The following RBFOX3 variants were observed in gnomAD, a reference collection of about 807,000 sequenced individuals.
RBFOX3 encodes RNA binding fox-1 homolog 3, also known as RNA binding protein fox-1 homolog 3.
A neutral mutation model predicts 48.7 loss-of-function variants in RBFOX3; 17 were observed. That is an observed-to-expected ratio of 0.35 (90% CI 0.24 to 0.52). The LOEUF is 0.52. RBFOX3 is among the 20% of genes least tolerant of loss of function. The pLI is 0.94. For missense variants in RBFOX3, 382 were observed against 497.5 expected (o/e 0.77, Z 2.21); for synonymous variants, 212 against 209.5 (o/e 1.01, Z -0.10).
At chr17:79,496,553 G>C (rs2081567362) in intron 1 of RBFOX3, among the ~76,000 whole-genome samples, 1 of 152,172 alleles carries the variant, frequency 6.6e-6, no homozygotes, top group Non-Finnish European at 1.5e-5. Context: ...GGGAATTCTA[G>C]CCACCAGGAG....
At chr17:79,167,361 G>A (rs938585296) in intron 4 of RBFOX3, among the ~76,000 whole-genome samples, 1 of 151,938 alleles carries the variant, frequency 6.6e-6, no homozygotes, top group Admixed American at 6.6e-5. Flanking sequence ...GGCTCTGGGG[G>A]CCCCTCCTTC....
intron 2 of RBFOX3, among the ~76,000 whole-genome samples, chr17:79,452,638 G>C (rs1397749612): frequency 6.6e-6 from 1 of 152,140 alleles, no homozygotes; most frequent in Non-Finnish European, 1.5e-5. Flanking sequence ...AGAGCGGAGA[G>C]GGGAGGCTCC....
chr17:79,568,868 C>T (rs1034630940), intron 1 of RBFOX3, among the ~76,000 whole-genome samples: 2 of 152,114 alleles, frequency 1.3e-5, no homozygotes, highest in African/African-American at 4.8e-5. Flanking sequence ...GTGGAAAGCA[C>T]CTGAGTCAGC....
chr17:79,276,515 A>G (rs529981326), intron 3 of RBFOX3, among the ~76,000 whole-genome samples: 5 of 152,150 alleles, frequency 3.3e-5, no homozygotes, highest in South Asian at 2.1e-4. Context: ...GTGAAACCCC[A>G]TCTCTACTAA....
intron 4 of RBFOX3, among the ~76,000 whole-genome samples, chr17:79,159,371 G>T (rs2612783): frequency 4.6e-5 from 7 of 151,918 alleles, no homozygotes; most frequent in Non-Finnish European, 1.0e-4. Flanking sequence ...GCCTGCCTGC[G>T]GCCCTGGCTC....
intron 2 of RBFOX3, among the ~76,000 whole-genome samples, chr17:79,429,411 G>A (rs2068009641): frequency 6.6e-6 from 1 of 152,356 alleles, no homozygotes; most frequent in African/African-American, 2.4e-5. Flanking sequence ...AATGTGGGGT[G>A]GCAGCAGGTG....
chr17:79,322,687 G>A (rs1377793532), intron 2 of RBFOX3, among the ~76,000 whole-genome samples: 2 of 152,272 alleles, frequency 1.3e-5, no homozygotes, highest in Non-Finnish European at 1.5e-5. Context: ...GGTTGAGGAC[G>A]GACCAAGCAG....
At chr17:79,126,951 G>T (rs900308090) in intron 4 of RBFOX3, among the ~76,000 whole-genome samples, 2 of 152,158 alleles carry the variant, frequency 1.3e-5, no homozygotes, top group Admixed American at 6.5e-5. Flanking sequence ...TCGCAGGCTG[G>T]TCCTCCAAGA....
At chr17:79,393,117 A>G (rs566610690) in intron 2 of RBFOX3, among the ~76,000 whole-genome samples, 62 of 152,340 alleles carry the variant, frequency 4.1e-4, no homozygotes, top group African/African-American at 1.3e-3. Context: ...AATATACACA[A>G]TGAACTGTGA....
intron 3 of RBFOX3, among the ~76,000 whole-genome samples, chr17:79,247,383 G>GTAA (rs1311861788): frequency 2.8e-5 from 4 of 141,998 alleles, no homozygotes; most frequent in African/African-American, 1.1e-4. Flanking sequence ...CACCATCTTG[G>GTAA]CTCACAGTAA....
intron 9 of RBFOX3, 43 bp from the exon 10 acceptor site, chr17:79,097,788 C>G: frequency 1.3e-6 from 2 of 1,542,380 alleles, no homozygotes; most frequent in Middle Eastern, 1.7e-4. Context: ...CTTCCCCGAC[C>G]CTTTTCCCAC....
intron 1 of RBFOX3, chr17:79,600,055 A>G (rs1462398092): frequency 2.0e-5 from 3 of 152,204 alleles, no homozygotes; most frequent in African/African-American, 7.2e-5. Context: ...ACAAATGAAG[A>G]AGGACGGCCG....
At chr17:79,614,702 A>G (rs954689799), upstream of RBFOX3, among the ~76,000 whole-genome samples, 3 of 152,346 alleles carry the variant, frequency 2.0e-5, no homozygotes, top group African/African-American at 4.8e-5. Flanking sequence ...TAAGGAGAAC[A>G]TTTAGAGAAC....
chr17:79,209,097 G>C (rs537473358), intron 4 of RBFOX3, among the ~76,000 whole-genome samples: 1 of 152,104 alleles, frequency 6.6e-6, no homozygotes, highest in African/African-American at 2.4e-5. Flanking sequence ...GGGATTACAG[G>C]CGTGAGCCAC....
In RBFOX3 at chr17:79,118,349, C is replaced by T. The variant is rs1207943498; in HGVS notation, c.-33-2601G>A. On this transcript the variant is annotated intron_variant, in intron 4 of 14. Transcript: ENST00000693108. ...ACACACTCGTGGGAGGTTCCAGGCT[C>T]ATTGCCCCAAGGTAGCTGGTGAGGC... 2.6e-5 allele frequency among the ~76,000 whole-genome samples: 4 copies of T among 152,168 alleles called. No individual in the cohort carries two copies. The East Asian group carries it at 5.8e-4, about 22-fold the overall frequency.
intron 4 of RBFOX3, among the ~76,000 whole-genome samples, chr17:79,164,064 CAGGAATCCTT>C (rs2047507459): frequency 3.9e-5 from 6 of 152,204 alleles, no homozygotes; most frequent in Non-Finnish European, 7.3e-5. Flanking sequence ...GTGTGGGCTC[CAGGAATCCTT>C]CTGTACCAGG....
In RBFOX3 at chr17:79,301,242, C is replaced by T. The variant is rs148176510; in HGVS notation, c.-74+6482G>A. Among the ~76,000 whole-genome samples the T allele has an allele frequency of 4.3e-3, 661 of 152,330 alleles. 6 individuals are homozygous for T. The highest frequency in any genetic ancestry group is 0.015 in the African/African-American group (615 of 41,574). On this transcript the variant is annotated intron_variant, in intron 3 of 14. Coordinates refer to ENST00000693108, the MANE Select transcript of RBFOX3 (RefSeq NM_001350451.2). Reference sequence around the variant, plus strand: ...GCCCTTTATGTCAAGAAGGACTTTGCACATGTGGACCAAGCCCTTTAACAG... The same window carrying T: ...GCCCTTTATGTCAAGAAGGACTTTGTACATGTGGACCAAGCCCTTTAACAG...
At chr17:79,426,684 G>C (rs2067450130) in intron 2 of RBFOX3, among the ~76,000 whole-genome samples, 1 of 151,772 alleles carries the variant, frequency 6.6e-6, no homozygotes, top group Admixed American at 6.6e-5. Context: ...TTACTTTGGG[G>C]TGTGTGTTTT....
Position 79,442,268 on chromosome 17 carries a change from A to G in RBFOX3, c.-175+40186T>C, listed in dbSNP as rs1555735361. 7.6e-3 allele frequency among the ~76,000 whole-genome samples: 76 copies of G among 9,972 alleles called. 2 individuals are homozygous for G. The highest frequency in any genetic ancestry group is 0.017 in the East Asian group (4 of 242). 6.5% of individuals were successfully genotyped at this position (9,972 alleles called of 152,430 possible). On this transcript the variant is annotated intron_variant, in intron 2 of 14. Coordinates refer to ENST00000693108, the MANE Select transcript of RBFOX3 (RefSeq NM_001350451.2). ...GAGAGAGAGAGAGAGAGAGAGAGAG[A>G]GAGAGAGAGAGAGGGAGAGAGGGAG...
Sources: allele counts gnomAD v4.1 joint callset (sites outside exome capture counted in the v4.1 genomes callset), GRCh38; gene constraint gnomAD v4.1.1; transcripts MANE v1.5; gene names NCBI Gene and HGNC (gene_info 2026-07-23, HGNC 2026-07-21).